THADA: variants seen among roughly 807,000 people sequenced by gnomAD.
THADA encodes the protein tRNA (32-2'-O)-methyltransferase regulator THADA.
A neutral mutation model predicts 219.8 loss-of-function variants in THADA; 213 were observed. That is an observed-to-expected ratio of 0.97 (90% CI 0.87 to 1.09). The LOEUF is 1.09. Ranked by LOEUF, THADA falls within the 50% of genes least tolerant of loss-of-function variation. The pLI is 0.00. For missense variants in THADA, 2,956 were observed against 2,311.3 expected, an observed-to-expected ratio of 1.28 and a Z score of -5.72; for synonymous variants, 1,018 against 828.9, an observed-to-expected ratio of 1.23 and a Z score of -3.92.
chr2:43,464,360 G>A (rs1295814268), intron 26 of THADA, among the ~76,000 whole-genome samples: 1 of 152,056 alleles, frequency 6.6e-6, no homozygotes, highest in East Asian at 1.9e-4. Flanking sequence ...GGAAAAACAA[G>A]TTTTACTTTT....
At chr2:43,336,216 G>T (rs115368758) in intron 30 of THADA, among the ~76,000 whole-genome samples, 8,934 of 152,186 alleles carry the variant, frequency 0.059, 349 homozygotes, top group South Asian at 0.17. Context: ...CTATGACCAT[G>T]CCACTGCATT....
At chr2:43,301,210 T>C (rs899121101) in intron 31 of THADA, among the ~76,000 whole-genome samples, 2 of 152,164 alleles carry the variant, frequency 1.3e-5, no homozygotes, top group Non-Finnish European at 2.9e-5. Flanking sequence ...CACTGGAGTT[T>C]CACGCAGAGC....
intron 29 of THADA, among the ~76,000 whole-genome samples, chr2:43,350,582 T>A (rs190308107): frequency 3.9e-5 from 6 of 152,368 alleles, no homozygotes; most frequent in Admixed American, 3.3e-4. Context: ...TGGGTATAAG[T>A]ACCTACTTAT....
intron 29 of THADA, among the ~76,000 whole-genome samples, chr2:43,358,948 T>C (rs1467703265): frequency 6.6e-6 from 1 of 152,200 alleles, no homozygotes; most frequent in African/African-American, 2.4e-5. Context: ...AGTGGCTGTT[T>C]ATAAGGGAAA....
intron 31 of THADA, among the ~76,000 whole-genome samples, chr2:43,311,109 G>C (rs1444037777): frequency 6.6e-6 from 1 of 152,064 alleles, no homozygotes; most frequent in African/African-American, 2.4e-5. Flanking sequence ...CCGGGAGGCG[G>C]AGGTTGCAGT....
At chr2:43,557,161 C>T (rs10184718) in intron 16 of THADA, among the ~76,000 whole-genome samples, 1,682 of 152,232 alleles carry the variant, frequency 0.011, 32 homozygotes, top group African/African-American at 0.039. Context: ...ACATTAGTTT[C>T]CTCTCTCCCT....
At chr2:43,507,483 A>G (rs1261100924) in intron 23 of THADA, among the ~76,000 whole-genome samples, 2 of 152,188 alleles carry the variant, frequency 1.3e-5, no homozygotes, top group African/African-American at 4.8e-5. Context: ...AAACACACTG[A>G]TACAGAATGG....
At chr2:43,593,081 C>G (rs1701753596) in intron 1 of THADA, among the ~76,000 whole-genome samples, 1 of 152,108 alleles carries the variant, frequency 6.6e-6, no homozygotes, top group African/African-American at 2.4e-5. Context: ...TCTCTTGATG[C>G]AGTTAGCATC....
At chr2:43,566,498 G>T in intron 15 of THADA, 200 bp downstream of exon 15, 1 of 735,864 alleles carries the variant, frequency 1.4e-6, no homozygotes, top group Non-Finnish European at 2.5e-6. Context: ...GGCAAATAAT[G>T]ATCAATGAAA....
intron 26 of THADA, among the ~76,000 whole-genome samples, chr2:43,481,447 T>C (rs924582043): frequency 1.3e-5 from 2 of 152,314 alleles, no homozygotes; most frequent in African/African-American, 4.8e-5. Flanking sequence ...AAAACTATTA[T>C]TTTGTTCCTC....
chr2:43,345,456 A>C (rs1365359056), intron 29 of THADA, among the ~76,000 whole-genome samples: 5 of 152,246 alleles, frequency 3.3e-5, no homozygotes, highest in African/African-American at 1.2e-4. Flanking sequence ...GAGAGTGCAC[A>C]CAAGTCCCAA....
At chr2:43,435,480 G>A (rs539811471) in intron 26 of THADA, among the ~76,000 whole-genome samples, 112 of 150,966 alleles carry the variant, frequency 7.4e-4, no homozygotes, top group African/African-American at 2.6e-3. Context: ...AAGGGAGGGA[G>A]GGAAGGAGGG....
At chr2:43,297,808 T>A (rs1274641976) in intron 31 of THADA, among the ~76,000 whole-genome samples, 2 of 94,268 alleles carry the variant, frequency 2.1e-5, no homozygotes, top group Admixed American at 1.0e-4. Flanking sequence ...AGCCGCCCCG[T>A]CCGGGAGGGA....
intron 15 of THADA, chr2:43,564,818 T>A (rs78137983): frequency 3.9e-5 from 6 of 152,184 alleles, no homozygotes; most frequent in African/African-American, 1.4e-4. Flanking sequence ...AATCAAATCA[T>A]CAGGAAACAA....
At chr2:43,266,805 G>A (rs1236052650) in intron 36 of THADA, among the ~76,000 whole-genome samples, 1 of 152,116 alleles carries the variant, frequency 6.6e-6, no homozygotes, top group Non-Finnish European at 1.5e-5. Context: ...GTAGAATCGC[G>A]ACACTTAACC....
intron 30 of THADA, among the ~76,000 whole-genome samples, chr2:43,335,509 G>A (rs1004773924): frequency 1.3e-5 from 2 of 152,146 alleles, no homozygotes; most frequent in South Asian, 4.1e-4. Flanking sequence ...TCAATGATTC[G>A]ATTTGATAAG....
chr2:43,501,686 G>A (rs1344565996), intron 24 of THADA, among the ~76,000 whole-genome samples: 2 of 152,214 alleles, frequency 1.3e-5, no homozygotes, highest in African/African-American at 4.8e-5. Context: ...GCTCACGCCT[G>A]TAATCCCAGC....
At chr2:43,319,482 AT>A (rs1181559138) in intron 31 of THADA, among the ~76,000 whole-genome samples, 1 of 152,078 alleles carries the variant, frequency 6.6e-6, no homozygotes, top group Non-Finnish European at 1.5e-5. Context: ...ATATACATCG[AT>A]CTGGGTGAGA....
chr2:43,262,289 T>G (rs1157185476), intron 36 of THADA, among the ~76,000 whole-genome samples: 1 of 152,174 alleles, frequency 6.6e-6, no homozygotes, highest in Non-Finnish European at 1.5e-5. Flanking sequence ...AAGGAGAGGA[T>G]GCACACTCTT....
Sources: allele counts gnomAD v4.1 joint callset (sites outside exome capture counted in the v4.1 genomes callset), GRCh38; gene constraint gnomAD v4.1.1; transcripts MANE v1.5; gene names NCBI Gene and HGNC (gene_info 2026-07-23, HGNC 2026-07-21).